CHL1: variants seen among roughly 807,000 people sequenced by gnomAD.
CHL1 encodes cell adhesion molecule L1 like, also known as neural cell adhesion molecule L1-like protein.
A neutral mutation model predicts 141.9 loss-of-function variants in CHL1; 96 were observed. The ratio of observed to expected loss-of-function variants is 0.68; its 90% confidence interval spans 0.57 to 0.80. The LOEUF is 0.80. CHL1 is among the 30% of genes least tolerant of loss of function. The pLI is 0.00. For missense variants in CHL1, 1,820 were observed against 1,457.2 expected (o/e 1.25, Z -4.05); for synonymous variants, 613 against 502.2 (o/e 1.22, Z -2.95).
intron 1 of CHL1, among the ~76,000 whole-genome samples, chr3:211,577 C>G (rs138508779): frequency 6.6e-6 from 1 of 152,254 alleles, no homozygotes; most frequent in East Asian, 1.9e-4. Context: ...ATTTTTCTCT[C>G]CACGCTTAGG....
chr3:342,109 T>C (rs1312497208), intron 7 of CHL1, 27 bp downstream of exon 7: 1 of 1,570,522 alleles, frequency 6.4e-7, no homozygotes, highest in Non-Finnish European at 8.7e-7. Context: ...TATCGTTTCA[T>C]CATGTATGCT....
chr3:399,820 A>T (rs1708979056), intron 26 of CHL1, among the ~76,000 whole-genome samples: 1 of 152,060 alleles, frequency 6.6e-6, no homozygotes, highest in Admixed American at 6.6e-5. Context: ...GACATACATG[A>T]CTCATATTTT....
At chr3:255,003 C>T (rs1176643327) in intron 2 of CHL1, among the ~76,000 whole-genome samples, 1 of 152,246 alleles carries the variant, frequency 6.6e-6, no homozygotes, top group East Asian at 1.9e-4. Context: ...CCTCAGATAC[C>T]AGGATTTGCC....
At chr3:212,363 A>G (rs1001248414) in intron 1 of CHL1, among the ~76,000 whole-genome samples, 2 of 152,078 alleles carry the variant, frequency 1.3e-5, no homozygotes, top group African/African-American at 4.8e-5. Context: ...TACTCTATGT[A>G]TGTCCTTTGT....
intron 2 of CHL1, among the ~76,000 whole-genome samples, 188 bp downstream of exon 2, chr3:244,880 T>C (rs1200237245): frequency 1.3e-5 from 2 of 152,176 alleles, no homozygotes; most frequent in African/African-American, 4.8e-5. Context: ...GTTTTTTGAG[T>C]TCCATTAAAT....
At chr3:216,323 T>C (rs1700316275) in intron 1 of CHL1, among the ~76,000 whole-genome samples, 1 of 152,240 alleles carries the variant, frequency 6.6e-6, no homozygotes. Flanking sequence ...TTCTCTTTCC[T>C]TTTTGTTGTC....
chr3:303,670 A>T (rs9883983), intron 2 of CHL1, among the ~76,000 whole-genome samples: 26,709 of 152,002 alleles, frequency 0.18, 3,236 homozygotes, highest in East Asian at 0.35. Context: ...CAATCATGTC[A>T]ACTCCAAACA....
chr3:371,212 C>G (rs1440256186), intron 15 of CHL1, among the ~76,000 whole-genome samples: 1 of 152,156 alleles, frequency 6.6e-6, no homozygotes, highest in African/African-American at 2.4e-5. Flanking sequence ...TTGTTAAAGT[C>G]TCCCACTATT....
chr3:247,451 AT>A (rs1258796294), intron 2 of CHL1: 1 of 151,950 alleles, frequency 6.6e-6, no homozygotes, highest in Non-Finnish European at 1.5e-5. Flanking sequence ...TTAAATTTTT[AT>A]TTTCATCATT....
chr3:349,292 A>C, intron 9 of CHL1, 67 bp from the exon 10 acceptor site: 1 of 1,357,120 alleles, frequency 7.4e-7, no homozygotes, highest in Non-Finnish European at 1.0e-6. Flanking sequence ...GATGTGTCCT[A>C]AGGTTTTCTT....
intron 15 of CHL1, among the ~76,000 whole-genome samples, chr3:371,952 G>A (rs1705692410): frequency 6.6e-6 from 1 of 152,140 alleles, no homozygotes; most frequent in Admixed American, 6.5e-5. Flanking sequence ...CTTCTGGCTT[G>A]TAGAGTTTCT....
chr3:233,966 A>C (rs1691668154), intron 1 of CHL1, among the ~76,000 whole-genome samples: 1 of 152,038 alleles, frequency 6.6e-6, no homozygotes. Flanking sequence ...ATGAACATAA[A>C]AATCTATGTT....
At chr3:396,643 A>T (rs1400728491) in intron 24 of CHL1, among the ~76,000 whole-genome samples, 1 of 152,150 alleles carries the variant, frequency 6.6e-6, no homozygotes, top group Non-Finnish European at 1.5e-5. Context: ...GTCTTAAAGA[A>T]CATTTCTTCA....
At chr3:391,447 C>T (rs1401655318) in intron 22 of CHL1, among the ~76,000 whole-genome samples, 10 of 152,074 alleles carry the variant, frequency 6.6e-5, no homozygotes, top group Non-Finnish European at 1.3e-4. Flanking sequence ...ACCCGGGAGG[C>T]GGAGGTTGCA....
At chr3:399,961 G>T (rs1487204461) in intron 26 of CHL1, among the ~76,000 whole-genome samples, 1 of 152,154 alleles carries the variant, frequency 6.6e-6, no homozygotes, top group Non-Finnish European at 1.5e-5. Context: ...TGATACATAA[G>T]ATATACATGA....
chr3:230,633 C>A (rs1020778529), intron 1 of CHL1, among the ~76,000 whole-genome samples: 4 of 151,936 alleles, frequency 2.6e-5, no homozygotes, highest in Admixed American at 6.6e-5. Context: ...GTAATTTAGT[C>A]TGTAAATTAA....
At chr3:322,959 T>A (rs903903025) in intron 3 of CHL1, among the ~76,000 whole-genome samples, 2 of 151,980 alleles carry the variant, frequency 1.3e-5, no homozygotes, top group South Asian at 2.1e-4. Context: ...TTATTAATGT[T>A]ATTAATTATC....
chr3:331,167 A>C (rs190257720), intron 5 of CHL1, among the ~76,000 whole-genome samples: 1 of 152,042 alleles, frequency 6.6e-6, no homozygotes, highest in African/African-American at 2.4e-5. Flanking sequence ...TCATTAATAC[A>C]GAGAAAGATT....
In CHL1 at chr3:322,645, AATATATATAT is replaced by A. The variant is rs4002786; in HGVS notation, c.91+2794_91+2803del. Among the ~76,000 whole-genome samples, 349 of 130,204 alleles carry A rather than the reference AATATATATAT, an allele frequency of 2.7e-3. 1 individual carries two copies. The highest frequency in any genetic ancestry group is 5.7e-3 in the African/African-American group (192 of 33,872). 85.4% of individuals were successfully genotyped at this position (130,204 alleles called of 152,430 possible). ...ATCTCTAAATTATATATATATATAA[AATATATATAT>A]ATATATATATATATAATTATATATA... On this transcript the variant is annotated intron_variant, in intron 3 of 27. Transcript: ENST00000256509.
Sources: gnomAD v4.1 joint callset for allele counts (sites outside exome capture counted in the v4.1 genomes callset) on GRCh38, gnomAD v4.1.1 for gene constraint, MANE v1.5 for transcripts, NCBI Gene and HGNC (gene_info 2026-07-23, HGNC 2026-07-21) for gene names.